BBIP1: variants seen among roughly 807,000 people sequenced by gnomAD.
BBIP1 encodes the protein BBSome-interacting protein 1.
BBIP1 carries 6 observed loss-of-function variants against 8.9 expected under a neutral mutation model. The ratio of observed to expected loss-of-function variants is 0.67; its 90% CI spans 0.37 to 1.33. BBIP1 has a LOEUF of 1.33. Among genes scored for constraint, BBIP1 ranks in the 40% most tolerant of loss-of-function variants. BBIP1 has a pLI of 0.02. For missense variants in BBIP1, 111 were observed against 109.2 expected (o/e 1.02, Z -0.07); for synonymous variants, 32 against 33.4 (o/e 0.96, Z 0.14).
chr10:110,914,141 G>A (rs1846339753), intron 2 of BBIP1, among the ~76,000 whole-genome samples: 1 of 152,072 alleles, frequency 6.6e-6, no homozygotes, highest in Admixed American at 6.5e-5. Context: ...TAAAACATAT[G>A]CCAAGCTGTC....
At chr10:110,918,334 G>C (rs546306490) in intron 1 of BBIP1, 121 bp from the exon 2 acceptor site, 62 of 581,074 alleles carry the variant, frequency 1.1e-4, no homozygotes, top group Non-Finnish European at 1.6e-4. Flanking sequence ...CACCAGAACC[G>C]CAGTCAAAGC....
chr10:110,918,067 T>C, intron 2 of BBIP1, 54 bp downstream of exon 2: 2 of 1,446,650 alleles, frequency 1.4e-6, no homozygotes, highest in Non-Finnish European at 1.9e-6. Flanking sequence ...GTCGAGAAGG[T>C]AGGTTTGCAT....
Position 110,900,462 on chromosome 10 carries a change from T to A in BBIP1, c.177A>T (p.Lys59Asn), listed in dbSNP as rs1845964280. ...VLCKPKLLPL[K>N]SLTLEKLEKM... Reference sequence around the variant, plus strand: ...TCTCTAGTTTTTCCAGAGTCAGAGATTTTAAGGGTAAAAGTTTGGGTTTAC... The same window carrying A: ...TCTCTAGTTTTTCCAGAGTCAGAGAATTTAAGGGTAAAAGTTTGGGTTTAC... Residue 59 changes from lysine (K) to asparagine (N), a missense_variant, in exon 4 of 4, where the codon AAA (lysine) becomes AAT (asparagine). Transcript: ENST00000448814. 6.5e-7 allele frequency: 1 copy of A among 1,535,876 alleles called. No individual in the cohort carries two copies. Among genetic ancestry groups the A allele is most frequent in the Non-Finnish European group, 8.7e-7 (1 of 1,146,738 alleles).
At chr10:110,906,799 ATCCGCCCCC>A (rs1846153864) in intron 2 of BBIP1, 1 of 152,296 alleles carries the variant, frequency 6.6e-6, no homozygotes, top group Non-Finnish European at 1.5e-5. Context: ...ACCTCAAGTG[ATCCGCCCCC>A]GTTGGCCTCC....
Position 110,900,106 on chromosome 10 carries a change from T to G in BBIP1, c.*254A>C, listed in dbSNP as rs1331422348. 2.9e-6 allele frequency: 1 copy of G among 350,520 alleles called. No individual in the cohort carries two copies. The highest frequency in any genetic ancestry group is 5.1e-6 in the Non-Finnish European group (1 of 196,766). The allele number at this position is 350,520 out of a possible 1,614,324, so 21.7% of individuals were successfully genotyped here. The stretch of plus-strand genomic sequence containing the variant: ...GCAATAGGAATGGTGAACAAATAAT[T>G]TAATTTGCAATTCTAAAAACATGAC... On this transcript the variant is annotated 3_prime_UTR_variant, in exon 4 of 4. Transcript: ENST00000448814.
intron 2 of BBIP1, chr10:110,912,149 TTTTCTTTTC>T (rs1846293398): frequency 6.7e-6 from 1 of 148,364 alleles, no homozygotes; most frequent in South Asian, 2.2e-4. Context: ...GTAGCTTTTC[TTTTCTTTTC>T]TTTTTTTTTT....
At chr10:110,912,044 A>T (rs1846290216) in intron 2 of BBIP1, 1 of 152,234 alleles carries the variant, frequency 6.6e-6, no homozygotes, top group African/African-American at 2.4e-5. Flanking sequence ...AGGTAGACGA[A>T]AAAATAAGCG....
rs1274252320 is a variant in BBIP1 at position 110,900,281 on chromosome 10, C to G, written c.*79G>C. On this transcript the variant is annotated 3_prime_UTR_variant, in exon 4 of 4. Transcript: ENST00000448814. Reference sequence around the variant, plus strand: ...TTTTATTGATAACACATACTACTTTCAGCACACAGAAGCATATTTTCTAGT... The same window carrying G: ...TTTTATTGATAACACATACTACTTTGAGCACACAGAAGCATATTTTCTAGT... 1.3e-5 allele frequency: 17 copies of G among 1,297,610 alleles called. No individual in the cohort carries two copies. The South Asian group carries it at 2.3e-4, about 18-fold the overall frequency. 80.4% of individuals were successfully genotyped at this position (1,297,610 alleles called of 1,614,324 possible). A position where few individuals can be genotyped will look rare whatever the true frequency, so the allele number is the denominator to read the frequency against.
intron 2 of BBIP1, among the ~76,000 whole-genome samples, chr10:110,916,938 C>T (rs757665262): frequency 5.9e-5 from 9 of 152,126 alleles, no homozygotes; most frequent in Non-Finnish European, 1.0e-4. Flanking sequence ...CAGCAACTCA[C>T]GGCAAAGTGC....
chr10:110,907,242 C>G (rs920548090), intron 2 of BBIP1: 1 of 152,486 alleles, frequency 6.6e-6, no homozygotes, highest in East Asian at 1.9e-4. Flanking sequence ...GGGACTGGTG[C>G]GGTGGCTCGC....
intron 2 of BBIP1, chr10:110,901,832 G>A (rs747888844): frequency 4.0e-6 from 2 of 497,606 alleles, no homozygotes; most frequent in Non-Finnish European, 7.3e-6. Flanking sequence ...TTAACTACAA[G>A]GCTAGGTGTT....
intron 2 of BBIP1, chr10:110,907,040 C>G (rs1168277342): frequency 6.6e-6 from 1 of 152,242 alleles, no homozygotes; most frequent in African/African-American, 2.4e-5. Context: ...TGAGAACAGT[C>G]TCTTGACTTG....
chr10:110,915,020 A>T (rs911495563), intron 2 of BBIP1, among the ~76,000 whole-genome samples: 1 of 152,228 alleles, frequency 6.6e-6, no homozygotes, highest in Non-Finnish European at 1.5e-5. Context: ...GAAAGAGAAA[A>T]GTTGTTTGAT....
intron 2 of BBIP1, chr10:110,907,586 G>T: frequency 2.0e-6 from 1 of 499,514 alleles, no homozygotes; most frequent in Non-Finnish European, 3.5e-6. Context: ...GATGAAGCAT[G>T]ATGGTTTATC....
At chr10:110,907,961 G>A in intron 2 of BBIP1, 1 of 544,404 alleles carries the variant, frequency 1.8e-6, no homozygotes, top group Non-Finnish European at 3.2e-6. Context: ...AAAGTTATGT[G>A]ATTCTGGAAT....
intron 2 of BBIP1, chr10:110,907,354 A>C (rs1590752327): frequency 1.2e-5 from 2 of 166,146 alleles, no homozygotes; most frequent in Non-Finnish European, 2.6e-5. Flanking sequence ...TCTACAAAAA[A>C]TTAACAAAAA....
At position 110,900,488 on chromosome 10, in the gene BBIP1, A is replaced by ACAG. The variant is rs991079395; in HGVS notation, c.148_150dup (p.Leu50dup). On this transcript the variant is annotated inframe_insertion, in exon 4 of 4. Transcript: ENST00000448814. ...TTTAAGGGTAAAAGTTTGGGTTTACACAGCACCATTGTCATTATATCTTCC... is the reference window on the plus strand; with the variant it reads ...TTTAAGGGTAAAAGTTTGGGTTTACACAGCAGCACCATTGTCATTATATCTTCC... 5 of 1,535,618 alleles carry ACAG rather than the reference A, an allele frequency of 3.3e-6. No individual in the cohort carries two copies. The African/African-American group carries it at 6.8e-5, about 21-fold the overall frequency.
intron 2 of BBIP1, chr10:110,907,835 C>A: frequency 1.5e-6 from 1 of 682,320 alleles, no homozygotes; most frequent in Non-Finnish European, 2.6e-6. Context: ...ATTTGAGAAG[C>A]CCTGGGAAGG....
At chr10:110,913,541 TAAAGC>T in intron 2 of BBIP1, among the ~76,000 whole-genome samples, 1 of 152,184 alleles carries the variant, frequency 6.6e-6, no homozygotes, top group Non-Finnish European at 1.5e-5. Context: ...AGTATGATAA[TAAAGC>T]AAACCTATTT....
Sources: allele counts gnomAD v4.1 joint callset (sites outside exome capture counted in the v4.1 genomes callset), GRCh38; gene constraint gnomAD v4.1.1; transcripts MANE v1.5; gene names NCBI Gene and HGNC (gene_info 2026-07-23, HGNC 2026-07-21).